TSR1: variants seen among roughly 807,000 people sequenced by gnomAD.
TSR1 encodes the protein TSR1 ribosome maturation factor.
TSR1 carries 81 observed loss-of-function variants against 90.9 expected under a neutral mutation model. The observed-to-expected ratio is 0.89, with a 90% CI of 0.74 to 1.07. The LOEUF (loss-of-function observed/expected upper bound fraction) is 1.07. TSR1 is among the 50% of genes least tolerant of loss of function. The pLI, the probability that TSR1 is intolerant of heterozygous loss-of-function variation, is 0.00. For missense variants in TSR1, 989 were observed against 987.3 expected, an observed-to-expected ratio of 1.00 and a Z score of -0.02; for synonymous variants, 362 against 348.8, an observed-to-expected ratio of 1.04 and a Z score of -0.42.
chr17:2,330,643 A>G lies in TSR1; in HGVS notation c.1660-18T>C, dbSNP rs1370566625. ...CAGCCAACCTGCCACAAGAAAGCAG[A>G]AAGCAATCATGGAGTTACCTTTCAA... On this transcript the variant is annotated intron_variant, in intron 9 of 14. Coordinates refer to ENST00000301364, the MANE Select transcript of TSR1 (RefSeq NM_018128.5). 1.2e-6 allele frequency: 2 copies of G among 1,610,482 alleles called. No homozygotes were observed. Among genetic ancestry groups the G allele is most frequent in the Non-Finnish European group, 1.7e-6 (2 of 1,177,228 alleles).
chr17:2,324,986 ACC>A, intron 12 of TSR1, 157 bp from the exon 13 acceptor site: 2 of 774,444 alleles, frequency 2.6e-6, no homozygotes, highest in Non-Finnish European at 2.0e-6. Flanking sequence ...CCCACACTTA[ACC>A]TTGTCAATAG....
At chr17:2,330,680 C>T (rs2075599660) in intron 9 of TSR1, 55 bp from the exon 10 acceptor site, 6 of 1,545,972 alleles carry the variant, frequency 3.9e-6, no homozygotes, top group East Asian at 4.5e-5. Flanking sequence ...GTCCCAATAG[C>T]GAGGAAGCTT....
chr17:2,335,629 C>A lies in TSR1; in HGVS notation c.303G>T (p.Gln101His), dbSNP rs370679701. 1.2e-6 allele frequency: 2 copies of A among 1,614,086 alleles called. No homozygotes were observed. The highest frequency in any genetic ancestry group is 2.7e-5 in the African/African-American group (2 of 74,932). ...HSRISLPEAM[Q>H]LLQDRDTGTV... Reference sequence around the variant, plus strand: ...TTCCAGTGTCCCTATCTTGAAGCAGCTGCATGGCCTCTGGCAGGGAAATTC... The same window carrying A: ...TTCCAGTGTCCCTATCTTGAAGCAGATGCATGGCCTCTGGCAGGGAAATTC... Residue 101 changes from glutamine (Q) to histidine (H), a missense_variant, in exon 3 of 15, where the codon CAG (glutamine) becomes CAT (histidine). Physicochemically the swap from Gln to His is conservative, Grantham distance 24. Transcript: ENST00000301364.
At chr17:2,330,091 G>A in intron 10 of TSR1, 1 of 323,530 alleles carries the variant, frequency 3.1e-6, no homozygotes. Flanking sequence ...GGCTAATTTT[G>A]TATTTTTGGT....
chr17:2,329,876 C>A (rs999166534), intron 10 of TSR1, among the ~76,000 whole-genome samples: 1 of 151,904 alleles, frequency 6.6e-6, no homozygotes, highest in South Asian at 2.1e-4. Flanking sequence ...ACAACATACA[C>A]AACTACTGGC....
Position 2,323,777 on chromosome 17 carries a change from T to C in TSR1, c.*419A>G. 6.2e-7 allele frequency: 1 copy of C among 1,614,192 alleles called. No homozygotes were observed. Among genetic ancestry groups the C allele is most frequent in the Non-Finnish European group, 8.5e-7 (1 of 1,180,040 alleles). ...TTTCCCCAGAAGTAAAGAACATTTG[T>C]ATTGTGCTCAGTGGTGGAAATGTAG... is the stretch of plus-strand genomic sequence containing the variant. On this transcript the variant is annotated 3_prime_UTR_variant, in exon 15 of 15. Transcript: ENST00000301364.
chr17:2,323,909 T>A lies in TSR1; in HGVS notation c.*287A>T. The A allele has an allele frequency of 6.4e-7, 1 of 1,555,272 alleles. No homozygotes were observed. Among genetic ancestry groups the A allele is most frequent in the Non-Finnish European group, 8.9e-7 (1 of 1,129,304 alleles). Reference sequence around the variant, plus strand: ...AGGAAATGGTGGGAATTCAGTGTCTTTAGATACTGAAGACATTTTGTTTCC... The same window carrying A: ...AGGAAATGGTGGGAATTCAGTGTCTATAGATACTGAAGACATTTTGTTTCC... On this transcript the variant is annotated 3_prime_UTR_variant, in exon 15 of 15. Transcript: ENST00000301364.
At chr17:2,331,242 G>A (rs1308480670) in intron 8 of TSR1, 133 bp from the exon 9 acceptor site, 4 of 699,598 alleles carry the variant, frequency 5.7e-6, no homozygotes, top group African/African-American at 1.8e-5. Flanking sequence ...CAACCCAACA[G>A]CTTAAACCAA....
rs2075542600 is a variant in TSR1 at position 2,322,722 on chromosome 17, T to C, written c.*1474A>G. The C allele has an allele frequency of 6.1e-6, 1 of 164,012 alleles. No homozygotes were observed. Among genetic ancestry groups the C allele is most frequent in the Non-Finnish European group, 1.3e-5 (1 of 75,868 alleles). The allele number at this position is 164,012 out of a possible 1,614,324, so 10.2% of individuals were successfully genotyped here. On this transcript the variant is annotated 3_prime_UTR_variant, in exon 15 of 15. Transcript: ENST00000301364. The stretch of plus-strand genomic sequence containing the variant: ...TAGTAGAGACGGGGTTTCACCGTGT[T>C]AGCCAGGATGGTCTTGATCTCCCTA...
intron 11 of TSR1, among the ~76,000 whole-genome samples, chr17:2,327,719 T>C (rs1228458523): frequency 6.6e-6 from 1 of 152,152 alleles, no homozygotes; most frequent in African/African-American, 2.4e-5. Context: ...ATTAATCTTA[T>C]GGAAAATTGA....
At position 2,324,542 on chromosome 17, in the gene TSR1, G is replaced by A. The variant is rs200320130; in HGVS notation, c.2198C>T (p.Thr733Met). The change falls in exon 14 of 15, where the codon ACG (threonine) becomes ATG (methionine). Residue 733 changes from threonine to methionine, a missense_variant. By Grantham distance (81) the Thr-to-Met change is moderately conservative. Coordinates refer to ENST00000301364, the MANE Select transcript of TSR1 (RefSeq NM_018128.5). ...GATATGTCCTCTCCGGCCCCACTTC[G>A]TTCTCAGTTCCACTGGTTTAAACCA... ...VLWFKPVELRTKWGRRGHIKE... is the reference protein window; with the variant it reads ...VLWFKPVELRMKWGRRGHIKE... 4.6e-5 allele frequency: 74 copies of A among 1,613,998 alleles called. 1 individual carries two copies. Among genetic ancestry groups the A allele is most frequent in the Non-Finnish European group, 5.8e-5 (68 of 1,180,036 alleles).
chr17:2,335,433 C>G, intron 3 of TSR1, 39 bp from the exon 4 acceptor site: 1 of 1,590,560 alleles, frequency 6.3e-7, no homozygotes, highest in South Asian at 1.1e-5. Context: ...GTGGTTGGCA[C>G]CAGCACATTA....
Position 2,335,300 on chromosome 17 carries a change from G to A in TSR1, c.516C>T (p.Tyr172=). The A allele has an allele frequency of 1.2e-6, 2 of 1,614,102 alleles. No homozygotes were observed. The highest frequency in any genetic ancestry group is 4.5e-5 in the East Asian group (2 of 44,884). ...CCTGAGCAAAGAGGCAGGAAAGACAGTAATCACCGGTGCTGTCCCAGCCTT... is the reference window on the plus strand; with the variant it reads ...CCTGAGCAAAGAGGCAGGAAAGACAATAATCACCGGTGCTGTCCCAGCCTT... ...PLEGWDSTGD[Y]CLSCLFAQGL... The change falls in exon 4 of 15, where the codon TAC becomes TAT. Residue 172 remains tyrosine, a synonymous_variant. Coordinates refer to ENST00000301364, the MANE Select transcript of TSR1 (RefSeq NM_018128.5).
chr17:2,334,169 T>C (rs1439766320), intron 5 of TSR1, among the ~76,000 whole-genome samples: 1 of 152,218 alleles, frequency 6.6e-6, no homozygotes, highest in African/African-American at 2.4e-5. Context: ...GTCCGCACTC[T>C]AACCATATGC....
chr17:2,334,714 G>T lies in TSR1; in HGVS notation c.739C>A (p.Arg247=). The T allele has an allele frequency of 1.2e-6, 2 of 1,613,926 alleles. No homozygotes were observed. The highest frequency in any genetic ancestry group is 1.7e-6 in the Non-Finnish European group (2 of 1,180,034). The change falls in exon 5 of 15, where the codon CGA becomes AGA. Residue 247 remains arginine (R), a synonymous_variant. Coordinates refer to ENST00000301364, the MANE Select transcript of TSR1 (RefSeq NM_018128.5). The stretch of plus-strand genomic sequence containing the variant: ...GCAAATAGGTAGGCCCGCCGATCTC[G>T]AAAAGCAAGATGCTGTTGCTTCTGG... ...ANQKQQHLAF[R]DRRAYLFAHA...
At chr17:2,324,423 A>G in intron 14 of TSR1, 49 bp from the exon 15 acceptor site, 2 of 1,603,318 alleles carry the variant, frequency 1.2e-6, no homozygotes, top group Non-Finnish European at 1.7e-6. Context: ...AGAAAATTTT[A>G]AAGCAATGAC....
chr17:2,330,531 A>G lies in TSR1; in HGVS notation c.1754T>C (p.Leu585Pro), dbSNP rs752949040. The change falls in exon 10 of 15, where the codon CTA (leucine) becomes CCA (proline). Residue 585 changes from leucine (L) to proline (P), a missense_variant. Coordinates refer to ENST00000301364, the MANE Select transcript of TSR1 (RefSeq NM_018128.5). ...GCAATTTACCTTCTGTTCATGAGGT[A>G]GTAAAGAAAATGCAATCAAGGGTGT... ...QGTPLIAFSL[L>P]PHEQKMSVLN... The G allele has an allele frequency of 3.1e-6, 5 of 1,613,748 alleles. No individual in the cohort carries two copies. In the South Asian group the frequency reaches 4.4e-5, roughly 14 times the overall value.
Position 2,331,264 on chromosome 17 carries a change from G to A in TSR1, c.1497-155C>T, listed in dbSNP as rs184604160. 3.8e-4 allele frequency among the ~76,000 whole-genome samples: 58 copies of A among 152,236 alleles called. No individual in the cohort carries two copies. The East Asian group carries it at 8.3e-3, about 22-fold the overall frequency. On this transcript the variant is annotated intron_variant, in intron 8 of 14. Coordinates refer to ENST00000301364, the MANE Select transcript of TSR1 (RefSeq NM_018128.5). ...ACAGCTTAAACCAAGACGACACTCCGAACAGCTTATAACAAGTTCTATCGG... is the reference window on the plus strand; with the variant it reads ...ACAGCTTAAACCAAGACGACACTCCAAACAGCTTATAACAAGTTCTATCGG...
In TSR1 at chr17:2,323,248, T is replaced by C. The variant is rs373333825; in HGVS notation, c.*948A>G. ...CCCAATCTTTATCCTCCAGAAACCA[T>C]AGCAGATGGTGTCAAATCCAGCATT... On this transcript the variant is annotated 3_prime_UTR_variant, in exon 15 of 15. Transcript: ENST00000301364. 22 of 1,614,214 alleles carry C rather than the reference T, an allele frequency of 1.4e-5. No individual in the cohort carries two copies. Among genetic ancestry groups the C allele is most frequent in the East Asian group, 4.5e-5 (2 of 44,878 alleles).
Sources: gnomAD v4.1 joint callset for allele counts (sites outside exome capture counted in the v4.1 genomes callset) on GRCh38, gnomAD v4.1.1 for gene constraint, MANE v1.5 for transcripts, NCBI Gene and HGNC (gene_info 2026-07-23, HGNC 2026-07-21) for gene names.